Variants in NEO1 observed in about 807,000 individuals in gnomAD.
The protein encoded by NEO1 is neogenin 1.
NEO1 carries 63 observed loss-of-function variants against 159.7 expected under a neutral mutation model. That is an observed-to-expected ratio of 0.39 (90% CI 0.32 to 0.49). NEO1 has a LOEUF of 0.49. Among genes scored for constraint, NEO1 ranks in the 20% least tolerant of loss-of-function variants. The pLI, the probability that NEO1 is intolerant of heterozygous loss-of-function variation, is 0.85. For missense variants in NEO1, 1,615 were observed against 1,831.0 expected, an observed-to-expected ratio of 0.88 and a Z score of 2.15; for synonymous variants, 633 against 662.0, an observed-to-expected ratio of 0.96 and a Z score of 0.67.
rs545089701 is a variant in NEO1, at chr15:73,082,610, T to A, written c.130+29805T>A. ...TTTTTTTTGGAAAGAAAGCATTTTGTTTATTCACTTAAAAATATTAGCAGG... is the reference window on the plus strand; with the variant it reads ...TTTTTTTTGGAAAGAAAGCATTTTGATTATTCACTTAAAAATATTAGCAGG... On this transcript the variant is annotated intron_variant, in intron 1 of 28. Coordinates refer to ENST00000261908, the MANE Select transcript of NEO1 (RefSeq NM_002499.4). Among the ~76,000 whole-genome samples the A allele has an allele frequency of 5.9e-5, 9 of 151,952 alleles. 1 individual carries two copies. The South Asian group carries it at 1.9e-3, about 31-fold the overall frequency.
intron 1 of NEO1, among the ~76,000 whole-genome samples, chr15:73,071,744 A>G (rs922519450): frequency 2.6e-5 from 4 of 151,996 alleles, no homozygotes; most frequent in Non-Finnish European, 4.4e-5. Context: ...TCAAACTTCT[A>G]GGCTCAAATG....
At chr15:73,267,941 A>AT (rs1334401120) in intron 16 of NEO1, among the ~76,000 whole-genome samples, 1 of 152,166 alleles carries the variant, frequency 6.6e-6, no homozygotes, top group African/African-American at 2.4e-5. Flanking sequence ...TCTGCTGGAT[A>AT]TGTTGCATAA....
chr15:73,094,866 A>G (rs2069909804), intron 1 of NEO1, among the ~76,000 whole-genome samples: 1 of 152,096 alleles, frequency 6.6e-6, no homozygotes, highest in Non-Finnish European at 1.5e-5. Flanking sequence ...AGAGGTGTGT[A>G]ATGTCTGTTT....
rs1037063342 is a variant in NEO1, at chr15:73,122,584, A to G, written c.508A>G (p.Ile170Val). 1.8e-5 allele frequency: 29 copies of G among 1,614,004 alleles called. No individual in the cohort carries two copies. The highest frequency in any genetic ancestry group is 6.7e-5 in the East Asian group (3 of 44,896). Reference protein sequence around the residue: ...PSSVYAGNNAILNCEVNADLV... With the variant: ...PSSVYAGNNAVLNCEVNADLV... ...CTCAGTTTATGCTGGGAACAATGCAATTCTGAATTGTGAAGTTAATGCAGA... is the reference window on the plus strand; with the variant it reads ...CTCAGTTTATGCTGGGAACAATGCAGTTCTGAATTGTGAAGTTAATGCAGA... The change falls in exon 3 of 29, where the codon ATT (isoleucine) becomes GTT (valine). Residue 170 changes from isoleucine to valine, a missense_variant. By Grantham distance (29) the Ile-to-Val change is conservative. Coordinates refer to ENST00000261908, the MANE Select transcript of NEO1 (RefSeq NM_002499.4).
chr15:73,223,710 G>A lies in NEO1; in HGVS notation c.1292-12637G>A, dbSNP rs575585727. ...GTCTCCTGAAGGCAGCAGATTGTTG[G>A]TTGGTGAGTTCTTATCCATTCCGCA... On this transcript the variant is annotated intron_variant, in intron 7 of 28. Coordinates refer to ENST00000261908, the MANE Select transcript of NEO1 (RefSeq NM_002499.4). 2.3e-4 allele frequency among the ~76,000 whole-genome samples: 35 copies of A among 152,262 alleles called. No homozygotes were observed. The South Asian group carries it at 2.7e-3, about 12-fold the overall frequency.
chr15:73,243,114 G>T (rs2039575948), intron 8 of NEO1, among the ~76,000 whole-genome samples: 1 of 152,128 alleles, frequency 6.6e-6, no homozygotes, highest in Admixed American at 6.6e-5. Flanking sequence ...AATAATTTTT[G>T]TTACTACAGT....
At chr15:73,094,572 A>C (rs913113641) in intron 1 of NEO1, among the ~76,000 whole-genome samples, 8 of 152,064 alleles carry the variant, frequency 5.3e-5, no homozygotes, top group Non-Finnish European at 1.0e-4. Context: ...TGTTGTTTGA[A>C]TTGGAATTAG....
intron 8 of NEO1, among the ~76,000 whole-genome samples, chr15:73,243,826 GGGTT>G (rs2039607858): frequency 6.6e-6 from 1 of 152,022 alleles, no homozygotes; most frequent in Non-Finnish European, 1.5e-5. Context: ...TTTATAGACT[GGGTT>G]ACACTTAGGA....
intron 4 of NEO1, among the ~76,000 whole-genome samples, chr15:73,134,220 T>C (rs927767309): frequency 3.3e-5 from 5 of 152,252 alleles, no homozygotes; most frequent in African/African-American, 9.6e-5. Flanking sequence ...TATTCCATTA[T>C]ATAATATCTT....
intron 7 of NEO1, among the ~76,000 whole-genome samples, chr15:73,186,935 C>T (rs1346894132): frequency 6.6e-6 from 1 of 152,060 alleles, no homozygotes. Context: ...ACTTTGTTTA[C>T]AAAAACAAGT....
intron 5 of NEO1, among the ~76,000 whole-genome samples, chr15:73,171,887 T>C (rs8039308): frequency 0.84 from 127,300 of 151,858 alleles, 55,115 homozygotes; most frequent in Non-Finnish European, 0.94. Context: ...GGTGATCACC[T>C]GCCTCGGCCC....
At chr15:73,216,951 A>G (rs2037926247) in intron 7 of NEO1, among the ~76,000 whole-genome samples, 2 of 151,396 alleles carry the variant, frequency 1.3e-5, no homozygotes, top group South Asian at 4.2e-4. Context: ...CCATTTGTCA[A>G]TTTTGGCTTT....
At chr15:73,176,737 T>C (rs960683931) in intron 6 of NEO1, among the ~76,000 whole-genome samples, 180 bp downstream of exon 6, 3 of 152,160 alleles carry the variant, frequency 2.0e-5, no homozygotes, top group Non-Finnish European at 2.9e-5. Flanking sequence ...AGAAATACTT[T>C]GGTAGCTTAT....
At chr15:73,242,779 A>G (rs190079326) in intron 8 of NEO1, among the ~76,000 whole-genome samples, 146 of 152,324 alleles carry the variant, frequency 9.6e-4, no homozygotes, top group Middle Eastern at 3.4e-3. Context: ...AAAAGGAGGA[A>G]GAAGAAGAAA....
intron 1 of NEO1, among the ~76,000 whole-genome samples, chr15:73,099,493 GC>G (rs1375960114): frequency 6.6e-6 from 1 of 152,106 alleles, no homozygotes; most frequent in Non-Finnish European, 1.5e-5. Context: ...AGAATTCTTT[GC>G]AGAAACTAGC....
chr15:73,168,378 GT>G (rs1285286772), intron 5 of NEO1, among the ~76,000 whole-genome samples: 2 of 44,232 alleles, frequency 4.5e-5, no homozygotes, highest in African/African-American at 1.5e-4. Flanking sequence ...GAGACGGGGG[GT>G]GGGGGGGGGG....
intron 13 of NEO1, among the ~76,000 whole-genome samples, chr15:73,257,863 C>T (rs796996357): frequency 3.3e-5 from 5 of 152,306 alleles, no homozygotes; most frequent in African/African-American, 1.2e-4. Flanking sequence ...AACAAACACT[C>T]TAGTACTTTC....
rs1016855891 is a variant in NEO1, at chr15:73,164,193, G to GATT, written c.1016-12197_1016-12195dup. ...CAGGCACCCACCACCACGCCCCGCTGATTATTATTATTATTGGTTTTTTTT... is the reference window on the plus strand; with the variant it reads ...CAGGCACCCACCACCACGCCCCGCTGATTATTATTATTATTATTGGTTTTTTTT... On this transcript the variant is annotated intron_variant, in intron 5 of 28. Coordinates refer to ENST00000261908, the MANE Select transcript of NEO1 (RefSeq NM_002499.4). Among the ~76,000 whole-genome samples the GATT allele has an allele frequency of 4.2e-5, 6 of 142,632 alleles. No individual in the cohort carries two copies. The East Asian group carries it at 8.4e-4, about 20-fold the overall frequency. 93.6% of individuals were successfully genotyped at this position (142,632 alleles called of 152,430 possible). A position where few individuals can be genotyped will look rare whatever the true frequency, so the allele number is the denominator to read the frequency against.
chr15:73,108,217 G>T (rs1163695371), intron 1 of NEO1, among the ~76,000 whole-genome samples: 1 of 152,180 alleles, frequency 6.6e-6, no homozygotes, highest in African/African-American at 2.4e-5. Flanking sequence ...CTTTTCCTGA[G>T]AATTGTTTTG....
Sources: allele counts gnomAD v4.1 joint callset (sites outside exome capture counted in the v4.1 genomes callset), GRCh38; gene constraint gnomAD v4.1.1; transcripts MANE v1.5; gene names NCBI Gene and HGNC (gene_info 2026-07-23, HGNC 2026-07-21).